The following ZFHX3 variants were observed in gnomAD, a reference collection of about 807,000 sequenced individuals.
ZFHX3 encodes the protein zinc finger homeobox protein 3.
Under a neutral mutation model 279.1 loss-of-function variants are expected in ZFHX3, and 42 were observed. That is an observed-to-expected ratio of 0.15 (90% CI 0.12 to 0.19). The LOEUF (loss-of-function observed/expected upper bound fraction) is 0.19, where lower values mean the gene tolerates loss of function less well. Ranked by LOEUF, ZFHX3 falls within the 10% of genes least tolerant of loss-of-function variation. The probability of loss-of-function intolerance (pLI) is 1.00; values close to 1 mark genes in which losing one functional copy is unlikely to be tolerated. For synonymous variants in ZFHX3, 2,293 were observed against 1,957.8 expected (o/e 1.17, Z -4.52); for missense variants, 4,981 against 4,754.0 (o/e 1.05, Z -1.40).
intron 5 of ZFHX3, among the ~76,000 whole-genome samples, chr16:73,189,973 C>T (rs571128562): frequency 6.6e-6 from 1 of 152,258 alleles, no homozygotes; most frequent in South Asian, 2.1e-4. Flanking sequence ...TCTAAAGACA[C>T]ACAATTGAGA....
intron 1 of ZFHX3, among the ~76,000 whole-genome samples, chr16:73,007,251 A>AG (rs749978716): frequency 1.3e-5 from 2 of 152,168 alleles, no homozygotes; most frequent in African/African-American, 2.4e-5. Flanking sequence ...CTCAATCTTC[A>AG]GCTTTCTTTT....
intron 2 of ZFHX3, among the ~76,000 whole-genome samples, chr16:73,568,350 C>T (rs986466016): frequency 2.6e-5 from 4 of 151,860 alleles, no homozygotes; most frequent in Non-Finnish European, 4.4e-5. Flanking sequence ...GCATTTCCGT[C>T]ATCTTTCCAT....
intron 1 of ZFHX3, among the ~76,000 whole-genome samples, chr16:73,855,945 C>G (rs988601934): frequency 1.3e-5 from 2 of 151,966 alleles, no homozygotes; most frequent in African/African-American, 4.8e-5. Flanking sequence ...TACCAGAAAT[C>G]CAGAAGAAAA....
At chr16:72,848,798 T>A (rs1413773934) in intron 4 of ZFHX3, among the ~76,000 whole-genome samples, 1 of 151,612 alleles carries the variant, frequency 6.6e-6, no homozygotes, top group Non-Finnish European at 1.5e-5. Context: ...CAACCACACA[T>A]ACCTTCTTCC....
At chr16:73,524,286 T>C (rs979304046) in intron 2 of ZFHX3, among the ~76,000 whole-genome samples, 9 of 152,220 alleles carry the variant, frequency 5.9e-5, no homozygotes, top group Admixed American at 2.0e-4. Context: ...GGAAGTCCAC[T>C]AGAATTACAG....
intron 3 of ZFHX3, among the ~76,000 whole-genome samples, chr16:72,896,757 A>G (rs984155300): frequency 8.5e-5 from 13 of 152,228 alleles, no homozygotes; most frequent in African/African-American, 3.1e-4. Flanking sequence ...CTCCTCCCCA[A>G]CGATAGGAAA....
intron 3 of ZFHX3, among the ~76,000 whole-genome samples, chr16:73,334,016 C>T (rs1352406915): frequency 6.6e-6 from 1 of 151,778 alleles, no homozygotes; most frequent in Non-Finnish European, 1.5e-5. Flanking sequence ...CACCCACTCA[C>T]GAAGGAGGGA....
chr16:73,061,434 C>A (rs1223933734), upstream of ZFHX3: 1 of 147,348 alleles, frequency 6.8e-6, no homozygotes, highest in Admixed American at 6.8e-5. Context: ...ACAACCTCTA[C>A]TGTGATTAAA....
At chr16:72,846,132 G>A (rs1201715713) in intron 4 of ZFHX3, among the ~76,000 whole-genome samples, 1 of 152,204 alleles carries the variant, frequency 6.6e-6, no homozygotes, top group Non-Finnish European at 1.5e-5. Flanking sequence ...GAAGGAGTGG[G>A]GAGAGTAAAA....
intron 5 of ZFHX3, among the ~76,000 whole-genome samples, chr16:73,241,928 A>G (rs2144944883): frequency 6.6e-6 from 1 of 151,746 alleles, no homozygotes. Flanking sequence ...ACGTTGAGTG[A>G]CCCCTTTGAG....
At position 72,796,047 on chromosome 16, in the gene ZFHX3, C is replaced by A; in HGVS notation, c.6635G>T (p.Ser2212Ile). 1 of 1,614,158 alleles carries A rather than the reference C, an allele frequency of 6.2e-7. No individual in the cohort carries two copies. Among genetic ancestry groups the A allele is most frequent in the Non-Finnish European group, 8.5e-7 (1 of 1,180,042 alleles). The change falls in exon 9 of 10, where the codon AGT becomes ATT. Residue 2212 changes from serine to isoleucine, a missense_variant. Around this residue, in one of 7 missense-constraint regions of ZFHX3, gnomAD observed 177 missense variants for 244.2 expected, o/e 0.72. Coordinates refer to ENST00000268489, the MANE Select transcript of ZFHX3 (RefSeq NM_006885.4). ...QRNKDSPYNF[S>I]NPPITSLEEL... is the part of the protein sequence containing the mutation. ...CTCCAGGCTGGTGATAGGAGGATTACTGAAGTTGTAAGGGGAGTCCTTGTT... is the reference window on the plus strand; with the variant it reads ...CTCCAGGCTGGTGATAGGAGGATTAATGAAGTTGTAAGGGGAGTCCTTGTT...
At chr16:73,448,683 TAC>T (rs2018229742) in intron 3 of ZFHX3, among the ~76,000 whole-genome samples, 1 of 127,970 alleles carries the variant, frequency 7.8e-6, no homozygotes, top group African/African-American at 3.0e-5. Flanking sequence ...TATATTTATA[TAC>T]GTGTGTGTGT....
chr16:73,646,477 A>G (rs2052619319), intron 2 of ZFHX3, among the ~76,000 whole-genome samples: 2 of 152,202 alleles, frequency 1.3e-5, no homozygotes, highest in South Asian at 4.1e-4. Context: ...AACAATAATG[A>G]TAACTCCAGA....
intron 2 of ZFHX3, among the ~76,000 whole-genome samples, chr16:73,623,920 T>C (rs1357554269): frequency 6.6e-6 from 1 of 152,206 alleles, no homozygotes; most frequent in East Asian, 1.9e-4. Flanking sequence ...CAAATAGTAT[T>C]TCCTGTGTCA....
At chr16:72,992,451 C>G (rs571083654) in intron 1 of ZFHX3, among the ~76,000 whole-genome samples, 15 of 152,260 alleles carry the variant, frequency 9.9e-5, no homozygotes, top group African/African-American at 3.6e-4. Flanking sequence ...TCCCTGTAAA[C>G]GGATCTAATG....
At chr16:73,580,799 TCA>T (rs1245082796) in intron 2 of ZFHX3, among the ~76,000 whole-genome samples, 1 of 151,802 alleles carries the variant, frequency 6.6e-6, no homozygotes, top group Non-Finnish European at 1.5e-5. Context: ...TTTCTGATGC[TCA>T]CAGTGTCCCA....
rs115367232 is a variant in ZFHX3, at chr16:73,265,061, A to G, written c.-1193-7925T>C. Among the ~76,000 whole-genome samples, 1,337 of 144,982 alleles carry G rather than the reference A, an allele frequency of 9.2e-3. 18 individuals carry two copies. Among genetic ancestry groups the G allele is most frequent in the African/African-American group, 0.031 (1,241 of 39,406 alleles). ...CACCTCAGCGCATATATATAATAGC[A>G]CCTCAGCGCATATATGCGTGTGTGT... On this transcript the variant is annotated intron_variant, in intron 4 of 17. Coordinates refer to the ZFHX3 transcript ENST00000641206.
At position 73,649,005 on chromosome 16, in the gene ZFHX3, C is replaced by T. The variant is rs571301985; in HGVS notation, c.-1547+31175G>A. Among the ~76,000 whole-genome samples the T allele has an allele frequency of 1.8e-3, 267 of 152,228 alleles. 1 individual carries two copies. The highest frequency in any genetic ancestry group is 4.1e-3 in the African/African-American group (169 of 41,532). On this transcript the variant is annotated intron_variant, in intron 2 of 17. Coordinates refer to the ZFHX3 transcript ENST00000641206. ...CACATATCTTTACATTTGGAGATTA[C>T]GGTTATCATTTTCAATATTACATGC... is the stretch of plus-strand genomic sequence containing the variant.
At chr16:73,599,733 A>AT (rs936503060) in intron 2 of ZFHX3, among the ~76,000 whole-genome samples, 34 of 244 alleles carry the variant, frequency 0.14, no homozygotes, top group African/African-American at 0.28. Flanking sequence ...AAATGTCATT[A>AT]AAAAAAAAAA....
Sources: allele counts gnomAD v4.1 joint callset (sites outside exome capture counted in the v4.1 genomes callset), GRCh38; gene constraint gnomAD v4.1.1; regional missense constraint gnomAD v4.1.1; transcripts MANE v1.5; gene names NCBI Gene and HGNC (gene_info 2026-07-23, HGNC 2026-07-21).